Variants in LYPLAL1 observed in about 807,000 individuals in gnomAD.
LYPLAL1 encodes lysophospholipase-like protein 1.
LYPLAL1 carries 23 observed loss-of-function variants against 19.7 expected under a neutral mutation model. The observed-to-expected ratio is 1.17, with a 90% CI of 0.84 to 1.65. The LOEUF (loss-of-function observed/expected upper bound fraction) is 1.65. Among genes scored for constraint, LYPLAL1 ranks in the 40% most tolerant of loss-of-function variants. LYPLAL1 has a pLI of 0.00. For missense variants in LYPLAL1, 355 were observed against 279.4 expected, an observed-to-expected ratio of 1.27 and a Z score of -1.93; for synonymous variants, 119 against 96.3, an observed-to-expected ratio of 1.24 and a Z score of -1.38.
intron 3 of LYPLAL1, among the ~76,000 whole-genome samples, chr1:219,199,241 CT>C (rs936468999): frequency 2.0e-5 from 3 of 152,140 alleles, no homozygotes; most frequent in African/African-American, 7.2e-5. Context: ...AGAAACTCCT[CT>C]TTTGTATATT....
chr1:219,205,800 G>T (rs1268209438), intron 3 of LYPLAL1, among the ~76,000 whole-genome samples: 2 of 152,056 alleles, frequency 1.3e-5, no homozygotes, highest in African/African-American at 4.8e-5. Context: ...TACTTTCTTT[G>T]AACATATATG....
intron 1 of LYPLAL1, chr1:219,174,221 T>C (rs1655615102): frequency 2.2e-6 from 3 of 1,391,884 alleles, no homozygotes; most frequent in African/African-American, 1.5e-5. Context: ...TGGGGCCTTG[T>C]GTCCCGCCGC....
the LYPLAL1 span, among the ~76,000 whole-genome samples, chr1:219,301,037 C>T: frequency 2.0e-5 from 3 of 149,850 alleles, no homozygotes; most frequent in South Asian, 2.2e-4. Context: ...GCCTGGACAA[C>T]ATAGCAAGAC....
In LYPLAL1 at chr1:219,204,043, A is replaced by G. The variant is rs187699797; in HGVS notation, c.362-6489A>G. Reference sequence around the variant, plus strand: ...AGTAAACTTTGTTAAGAGAGAGAGAACTCAGCAAAAGGCTCATTACAGGGG... The same window carrying G: ...AGTAAACTTTGTTAAGAGAGAGAGAGCTCAGCAAAAGGCTCATTACAGGGG... On this transcript the variant is annotated intron_variant, in intron 3 of 4. Coordinates refer to ENST00000366928, the MANE Select transcript of LYPLAL1 (RefSeq NM_138794.5). Among the ~76,000 whole-genome samples, 176 of 152,206 alleles carry G rather than the reference A, an allele frequency of 1.2e-3. 1 individual carries two copies. The highest frequency in any genetic ancestry group is 3.9e-3 in the African/African-American group (162 of 41,544).
intron 3 of LYPLAL1, among the ~76,000 whole-genome samples, chr1:219,203,101 A>C (rs1359481474): frequency 1.3e-5 from 2 of 152,128 alleles, no homozygotes; most frequent in African/African-American, 4.8e-5. Context: ...ATTTTGTTTA[A>C]TAATCTGTTC....
At chr1:219,438,390 G>T in the LYPLAL1 span, among the ~76,000 whole-genome samples, 1 of 152,130 alleles carries the variant, frequency 6.6e-6, no homozygotes, top group Non-Finnish European at 1.5e-5. Flanking sequence ...TGGAATCCAC[G>T]AAATTTGTCC....
At chr1:219,352,829 C>T in the LYPLAL1 span, among the ~76,000 whole-genome samples, 1 of 152,224 alleles carries the variant, frequency 6.6e-6, no homozygotes, top group Non-Finnish European at 1.5e-5. Context: ...GATGGTTTTT[C>T]TGGTCCTAGT....
the LYPLAL1 span, among the ~76,000 whole-genome samples, chr1:219,264,478 A>G: frequency 9.8e-5 from 15 of 152,340 alleles, no homozygotes; most frequent in East Asian, 2.9e-3. Flanking sequence ...TGGGCAAAAT[A>G]ACTTCATAGA....
the LYPLAL1 span, among the ~76,000 whole-genome samples, chr1:219,266,605 A>G: frequency 2.0e-5 from 3 of 152,178 alleles, no homozygotes; most frequent in African/African-American, 4.8e-5. Context: ...TTATCATCAA[A>G]TATTACACAC....
the LYPLAL1 span, among the ~76,000 whole-genome samples, chr1:219,255,871 C>T: frequency 6.6e-6 from 1 of 151,480 alleles, no homozygotes; most frequent in African/African-American, 2.4e-5. Flanking sequence ...CACGATTTTG[C>T]TCCTTTTTCT....
At chr1:219,306,215 T>C in the LYPLAL1 span, among the ~76,000 whole-genome samples, 1 of 152,228 alleles carries the variant, frequency 6.6e-6, no homozygotes, top group Non-Finnish European at 1.5e-5. Context: ...ACAAATGCAT[T>C]GCATTCTCTG....
chr1:219,195,434 TACATTCTTCATAAGC>T lies in LYPLAL1; in HGVS notation c.361+2185_361+2199del, dbSNP rs563972883. ...GAGAAATTGCTTTAAAAAATAAAAG[TACATTCTTCATAAGC>T]AAAAAAATAGATAAAAGGAGAAAAT... On this transcript the variant is annotated intron_variant, in intron 3 of 4. Coordinates refer to ENST00000366928, the MANE Select transcript of LYPLAL1 (RefSeq NM_138794.5). 8.1e-3 allele frequency among the ~76,000 whole-genome samples: 1,230 copies of T among 152,128 alleles called. 10 individuals are homozygous for T. Among genetic ancestry groups the T allele is most frequent in the Middle Eastern group, 0.017 (5 of 294 alleles).
At chr1:219,228,169 G>C in the LYPLAL1 span, among the ~76,000 whole-genome samples, 1 of 152,122 alleles carries the variant, frequency 6.6e-6, no homozygotes, top group Non-Finnish European at 1.5e-5. Flanking sequence ...TTCCCTAAAG[G>C]GTCCCGTAAG....
At chr1:219,301,371 A>G in the LYPLAL1 span, among the ~76,000 whole-genome samples, 2 of 152,248 alleles carry the variant, frequency 1.3e-5, no homozygotes, top group Non-Finnish European at 1.5e-5. Context: ...GTGAGGGAGC[A>G]TAATTGGGCT....
At chr1:219,225,077 C>G in the LYPLAL1 span, among the ~76,000 whole-genome samples, 1 of 151,966 alleles carries the variant, frequency 6.6e-6, no homozygotes, top group Non-Finnish European at 1.5e-5. Flanking sequence ...TCTTTTTATT[C>G]TCTCTCTGGC....
intron 3 of LYPLAL1, among the ~76,000 whole-genome samples, chr1:219,207,563 A>T (rs1409037684): frequency 3.9e-5 from 6 of 152,034 alleles, no homozygotes; most frequent in Non-Finnish European, 8.8e-5. Flanking sequence ...TTACAGTTAC[A>T]TTGTTCATTT....
chr1:219,439,994 CACAT>C, the LYPLAL1 span, among the ~76,000 whole-genome samples: 17,355 of 117,400 alleles, frequency 0.15, 1,431 homozygotes, highest in Non-Finnish European at 0.2. Context: ...TATATATACA[CACAT>C]ATATATATAT....
the LYPLAL1 span, among the ~76,000 whole-genome samples, chr1:219,231,254 G>C: frequency 1.3e-5 from 2 of 152,108 alleles, no homozygotes; most frequent in Non-Finnish European, 1.5e-5. Flanking sequence ...ATGTAGAAAG[G>C]GTTGTTTGAA....
chr1:219,228,703 G>C, the LYPLAL1 span, among the ~76,000 whole-genome samples: 2 of 151,906 alleles, frequency 1.3e-5, no homozygotes, highest in Non-Finnish European at 2.9e-5. Flanking sequence ...TTTTGAGACG[G>C]AGTTTTGCTC....
Sources: gnomAD v4.1 joint callset for allele counts (sites outside exome capture counted in the v4.1 genomes callset) on GRCh38, gnomAD v4.1.1 for gene constraint, MANE v1.5 for transcripts, NCBI Gene and HGNC (gene_info 2026-07-23, HGNC 2026-07-21) for gene names.